LRMDA: variants seen among roughly 807,000 people sequenced by gnomAD.
LRMDA encodes leucine rich melanocyte differentiation associated.
Under a neutral mutation model 29.8 loss-of-function variants are expected in LRMDA, and 18 were observed. The ratio of observed to expected loss-of-function variants is 0.60; its 90% CI spans 0.42 to 0.90. LRMDA has a LOEUF of 0.90. Among genes scored for constraint, LRMDA ranks in the 40% least tolerant of loss-of-function variants. The pLI is 0.00. For synonymous variants in LRMDA, 125 were observed against 109.4 expected (o/e 1.14, Z -0.89); for missense variants, 273 against 273.9 (o/e 1.00, Z 0.02).
intron 5 of LRMDA, among the ~76,000 whole-genome samples, chr10:76,244,290 A>G (rs1852333701): frequency 2.0e-5 from 3 of 152,130 alleles, no homozygotes; most frequent in Admixed American, 6.6e-5. Flanking sequence ...AGTACACATC[A>G]GATTCCTTCT....
intron 2 of LRMDA, among the ~76,000 whole-genome samples, chr10:75,572,111 G>A (rs1046853281): frequency 2.6e-5 from 4 of 151,926 alleles, no homozygotes; most frequent in South Asian, 2.1e-4. Context: ...ACACCACCAC[G>A]CCCAGCTAAT....
intron 2 of LRMDA, among the ~76,000 whole-genome samples, chr10:75,705,630 G>A (rs1410820747): frequency 5.3e-5 from 8 of 152,210 alleles, no homozygotes; most frequent in Non-Finnish European, 7.3e-5. Flanking sequence ...GGCTAGAGCC[G>A]TGCGTGAGCG....
chr10:76,127,965 A>G (rs1279784589), intron 5 of LRMDA, among the ~76,000 whole-genome samples: 1 of 152,226 alleles, frequency 6.6e-6, no homozygotes, highest in Non-Finnish European at 1.5e-5. Flanking sequence ...AACTTAAAAA[A>G]AAACAACAAC....
At chr10:75,530,780 T>C (rs1303449297) in intron 2 of LRMDA, among the ~76,000 whole-genome samples, 3 of 151,990 alleles carry the variant, frequency 2.0e-5, no homozygotes, top group Admixed American at 6.5e-5. Flanking sequence ...CTGAGTGGTT[T>C]TATTGGGAGT....
intron 2 of LRMDA, among the ~76,000 whole-genome samples, chr10:75,515,207 C>T (rs755104155): frequency 1.3e-5 from 2 of 151,920 alleles, no homozygotes; most frequent in Non-Finnish European, 2.9e-5. Flanking sequence ...TAGTAGTTGC[C>T]AGGGGCTGGT....
intron 2 of LRMDA, among the ~76,000 whole-genome samples, chr10:76,027,523 C>G (rs1338298440): frequency 6.6e-6 from 1 of 151,918 alleles, no homozygotes; most frequent in Non-Finnish European, 1.5e-5. Context: ...CACACACATA[C>G]ACACACACAC....
intron 2 of LRMDA, among the ~76,000 whole-genome samples, chr10:75,658,806 T>C (rs1275743185): frequency 2.0e-5 from 3 of 152,112 alleles, no homozygotes; most frequent in African/African-American, 7.2e-5. Flanking sequence ...AAATGTAGGG[T>C]CCTCCTCTAT....
chr10:75,883,640 G>A (rs1845331102), intron 2 of LRMDA: 2 of 152,080 alleles, frequency 1.3e-5, no homozygotes, highest in African/African-American at 4.8e-5. Flanking sequence ...CTGCCCATTG[G>A]TCTTCAAGAC....
intron 5 of LRMDA, among the ~76,000 whole-genome samples, chr10:76,117,375 CTTG>C (rs1344613128): frequency 6.6e-6 from 1 of 152,080 alleles, no homozygotes; most frequent in East Asian, 1.9e-4. Flanking sequence ...AATAGCTCTT[CTTG>C]TTGTGGGACA....
intron 6 of LRMDA, among the ~76,000 whole-genome samples, chr10:76,355,902 T>C (rs1375465399): frequency 6.6e-6 from 1 of 152,208 alleles, no homozygotes; most frequent in East Asian, 1.9e-4. Context: ...TCTCTATAGA[T>C]CAAGCTTTTC....
chr10:75,969,122 G>T (rs1030092991), intron 2 of LRMDA, among the ~76,000 whole-genome samples: 2 of 152,124 alleles, frequency 1.3e-5, no homozygotes, highest in Non-Finnish European at 2.9e-5. Context: ...TTTTCTCTTT[G>T]CCTCTTGGGT....
intron 5 of LRMDA, among the ~76,000 whole-genome samples, chr10:76,215,740 G>A (rs1283797882): frequency 6.6e-6 from 1 of 152,114 alleles, no homozygotes; most frequent in Non-Finnish European, 1.5e-5. Flanking sequence ...CTTGTGAATT[G>A]ATCTGTAGTT....
chr10:76,219,604 A>G (rs1851792428), intron 5 of LRMDA, among the ~76,000 whole-genome samples: 1 of 152,242 alleles, frequency 6.6e-6, no homozygotes, highest in Admixed American at 6.5e-5. Context: ...AGGAGCACCC[A>G]GATTCATATA....
chr10:75,705,888 C>G (rs902754273), intron 2 of LRMDA, among the ~76,000 whole-genome samples: 1 of 152,150 alleles, frequency 6.6e-6, no homozygotes, highest in Non-Finnish European at 1.5e-5. Context: ...TTTTAAAAAT[C>G]ATTTTTTAAA....
chr10:76,555,061 G>T (rs750510285), intron 6 of LRMDA, among the ~76,000 whole-genome samples: 3 of 152,020 alleles, frequency 2.0e-5, no homozygotes, highest in Non-Finnish European at 4.4e-5. Flanking sequence ...ATTCTTCAGG[G>T]TTTATTTGAA....
intron 2 of LRMDA, among the ~76,000 whole-genome samples, chr10:75,525,618 A>C (rs1845405759): frequency 6.8e-6 from 1 of 147,420 alleles, no homozygotes; most frequent in African/African-American, 2.5e-5. Context: ...TTGTGAGAAA[A>C]GGGCAAATAG....
At chr10:76,068,879 G>A (rs764939106) in intron 5 of LRMDA, among the ~76,000 whole-genome samples, 11 of 152,170 alleles carry the variant, frequency 7.2e-5, no homozygotes, top group Admixed American at 1.3e-4. Flanking sequence ...ATGGCACCCC[G>A]TTCCACCACC....
chr10:76,400,422 C>T (rs1030218359), intron 6 of LRMDA, among the ~76,000 whole-genome samples: 3 of 152,178 alleles, frequency 2.0e-5, no homozygotes, highest in Admixed American at 2.0e-4. Flanking sequence ...TTATTTTAAG[C>T]TGTTAGATTT....
chr10:75,923,377 G>A (rs376544011), intron 2 of LRMDA, among the ~76,000 whole-genome samples: 122 of 152,264 alleles, frequency 8.0e-4, no homozygotes, highest in Non-Finnish European at 1.1e-3. Context: ...GCTCAGTGCC[G>A]GTGATGGGTA....
Sources: allele counts gnomAD v4.1 joint callset (sites outside exome capture counted in the v4.1 genomes callset), GRCh38; gene constraint gnomAD v4.1.1; transcripts MANE v1.5; gene names NCBI Gene and HGNC (gene_info 2026-07-23, HGNC 2026-07-21).